Variants in PTCD3 observed in about 807,000 individuals in gnomAD.
PTCD3 encodes the protein pentatricopeptide repeat domain 3, also known as small ribosomal subunit protein mS39.
In PTCD3, 89 loss-of-function variants were observed where a neutral mutation model predicts 101.9. That is an observed-to-expected ratio of 0.87 (90% confidence interval 0.74 to 1.04). The LOEUF (loss-of-function observed/expected upper bound fraction) is 1.04, where lower values mean the gene tolerates loss of function less well. Ranked by LOEUF, PTCD3 falls within the 50% of genes least tolerant of loss-of-function variation. The pLI is 0.00. For synonymous variants in PTCD3, 296 were observed against 278.5 expected (o/e 1.06, Z -0.63); for missense variants, 870 against 828.2 (o/e 1.05, Z -0.62).
Position 86,127,156 on chromosome 2 carries a change from C to G in PTCD3, c.952-5C>G. On this transcript the variant is annotated splice_region_variant and splice_polypyrimidine_tract_variant and intron_variant, in intron 12 of 23. Coordinates refer to ENST00000254630, the MANE Select transcript of PTCD3 (RefSeq NM_017952.6). ...AAAGATACTTCTTGTTTTTTATTCACCTAGGAGCTGCTAAGACACATGGTT... is the reference window on the plus strand; with the variant it reads ...AAAGATACTTCTTGTTTTTTATTCAGCTAGGAGCTGCTAAGACACATGGTT... The G allele has an allele frequency of 1.2e-6, 2 of 1,607,790 alleles. No homozygotes were observed. The highest frequency in any genetic ancestry group is 1.7e-6 in the Non-Finnish European group (2 of 1,177,246).
At chr2:86,132,621 GGT>G in intron 17 of PTCD3, 197 bp downstream of exon 17, 6 of 356,796 alleles carry the variant, frequency 1.7e-5, no homozygotes, top group East Asian at 4.8e-5. Flanking sequence ...GTCCTTTAAG[GGT>G]TTTTTTTTTT....
intron 3 of PTCD3, 55 bp from the exon 4 acceptor site, chr2:86,111,058 G>C: frequency 6.7e-7 from 1 of 1,487,382 alleles, no homozygotes; most frequent in Non-Finnish European, 9.4e-7. Flanking sequence ...TCACTTGTTC[G>C]GTTTGTGGCT....
At chr2:86,118,894 G>C (rs779386145) in intron 6 of PTCD3, 27 bp from the exon 7 acceptor site, 1 of 1,603,734 alleles carries the variant, frequency 6.2e-7, no homozygotes, top group East Asian at 2.2e-5. Flanking sequence ...CCTGTTTGTA[G>C]TAACTTTAGT....
chr2:86,111,285 A>G (rs1674079871), intron 4 of PTCD3, 127 bp downstream of exon 4: 2 of 961,132 alleles, frequency 2.1e-6, no homozygotes, highest in East Asian at 5.2e-5. Flanking sequence ...GTGCGTCTAG[A>G]AAGTTTCTTT....
chr2:86,137,601 C>A lies in PTCD3; in HGVS notation c.*42C>A, dbSNP rs772518523. 1.2e-6 allele frequency: 2 copies of A among 1,611,846 alleles called. No homozygotes were observed. The highest frequency in any genetic ancestry group is 4.5e-5 in the East Asian group (2 of 44,800). On this transcript the variant is annotated 3_prime_UTR_variant, in exon 24 of 24. Coordinates refer to ENST00000254630, the MANE Select transcript of PTCD3 (RefSeq NM_017952.6). The stretch of plus-strand genomic sequence containing the variant: ...GCAGCAATGGGTCTCACCATAGCTG[C>A]TGGAATCACACCTGAGAACTGAGAT...
At chr2:86,112,182 G>C (rs1046798022) in intron 4 of PTCD3, 4 of 150,842 alleles carry the variant, frequency 2.7e-5, no homozygotes, top group African/African-American at 9.8e-5. Flanking sequence ...TCAGCCTCCC[G>C]AGTAGCTGGG....
chr2:86,119,337 C>T (rs1440405151), intron 7 of PTCD3, among the ~76,000 whole-genome samples: 1 of 148,490 alleles, frequency 6.7e-6, no homozygotes, highest in East Asian at 2.0e-4. Context: ...ATGCAGTGCT[C>T]CCAGATTTCC....
intron 13 of PTCD3, chr2:86,127,615 G>A: frequency 6.5e-6 from 3 of 462,542 alleles, no homozygotes; most frequent in East Asian, 7.8e-5. Flanking sequence ...GAACCTAAGT[G>A]TGTGCTAGTG....
intron 13 of PTCD3, 77 bp downstream of exon 13, chr2:86,127,382 C>G (rs1031192949): frequency 6.9e-7 from 1 of 1,449,560 alleles, no homozygotes; most frequent in African/African-American, 1.4e-5. Context: ...AAGCAAAGAG[C>G]TTTAAATTAT....
rs764313009 is a variant in PTCD3 at position 86,121,494 on chromosome 2, T to C, written c.554T>C (p.Leu185Pro). 2 of 1,603,440 alleles carry C rather than the reference T, an allele frequency of 1.2e-6. No individual in the cohort carries two copies. The highest frequency in any genetic ancestry group is 1.3e-5 in the African/African-American group (1 of 74,438). The change falls in exon 8 of 24, where the codon CTT (leucine) becomes CCT (proline). Residue 185 changes from leucine to proline, a missense_variant. By Grantham distance (98) the Leu-to-Pro change is moderately conservative (BLOSUM62 -3). Coordinates refer to ENST00000254630, the MANE Select transcript of PTCD3 (RefSeq NM_017952.6). ...TTACCCACAGGAACCACTGTGTCTC[T>C]TGAAACAACAAATAGTCTCTTGGAT... Reference protein sequence around the residue: ...QLLQAGTTVSLETTNSLLDLL... With the variant: ...QLLQAGTTVSPETTNSLLDLL...
intron 8 of PTCD3, among the ~76,000 whole-genome samples, chr2:86,122,652 G>A (rs554963180): frequency 8.5e-5 from 13 of 152,220 alleles, no homozygotes; most frequent in African/African-American, 3.1e-4. Flanking sequence ...TTCAACTCTG[G>A]GGCTCAGGTG....
intron 12 of PTCD3, among the ~76,000 whole-genome samples, chr2:86,126,854 C>G (rs1339419760): frequency 2.0e-5 from 3 of 150,802 alleles, no homozygotes; most frequent in Non-Finnish European, 3.0e-5. Flanking sequence ...AAAAAAAAAC[C>G]AACCACTTTT....
chr2:86,133,403 A>C lies in PTCD3; in HGVS notation c.1510A>C (p.Asn504His). The C allele has an allele frequency of 1.2e-6, 2 of 1,614,162 alleles. No homozygotes were observed. Among genetic ancestry groups the C allele is most frequent in the Non-Finnish European group, 1.7e-6 (2 of 1,179,972 alleles). ...IHLLQALDVA[N>H]RLEVIPKIWK... ...TCTTCTCCAAGCATTGGATGTGGCC[A>C]ATCGGCTAGAAGTGATTCCTAAAAT... Residue 504 changes from asparagine (N) to histidine (H), a missense_variant, in exon 19 of 24, where the codon AAT becomes CAT. By Grantham distance (68) the Asn-to-His change is moderately conservative. Transcript: ENST00000254630.
At chr2:86,116,455 T>G in intron 4 of PTCD3, 75 bp from the exon 5 acceptor site, 1 of 1,204,368 alleles carries the variant, frequency 8.3e-7, no homozygotes, top group Non-Finnish European at 1.2e-6. Context: ...GAGAATCCCT[T>G]GAGTCCAGGA....
intron 14 of PTCD3, among the ~76,000 whole-genome samples, chr2:86,129,122 T>A (rs1573856551): frequency 1.3e-5 from 2 of 152,358 alleles, no homozygotes; most frequent in Middle Eastern, 6.8e-3. Context: ...GACTATACCT[T>A]GGAAACAGGT....
chr2:86,114,124 CCATT>C (rs1257081422), intron 4 of PTCD3, among the ~76,000 whole-genome samples: 8 of 152,100 alleles, frequency 5.3e-5, no homozygotes, highest in African/African-American at 1.9e-4. Flanking sequence ...ATTCGTTTAT[CCATT>C]CATTCAGCAA....
rs777675995 is a variant in PTCD3, at chr2:86,125,882, T to G, written c.951+2T>G. 6 of 1,575,428 alleles carry G rather than the reference T, an allele frequency of 3.8e-6. No homozygotes were observed. Among genetic ancestry groups the G allele is most frequent in the Non-Finnish European group, 5.2e-6 (6 of 1,145,700 alleles). On this transcript the variant is annotated splice_donor_variant, in intron 12 of 23. Coordinates refer to ENST00000254630, the MANE Select transcript of PTCD3 (RefSeq NM_017952.6). LOFTEE classifies it high-confidence loss of function. ...GAGGAAAAATGGAGTAAAATACTGG[T>G]AAGGAGGAATCCTCAGTTTATTTTT...
chr2:86,131,835 G>A (rs1244166803), intron 16 of PTCD3, among the ~76,000 whole-genome samples: 1 of 152,136 alleles, frequency 6.6e-6, no homozygotes. Flanking sequence ...ACTTTCAATA[G>A]CAAAAACCAC....
At chr2:86,124,117 T>C (rs6750581) in intron 9 of PTCD3, among the ~76,000 whole-genome samples, 109,802 of 151,992 alleles carry the variant, frequency 0.72, 42,058 homozygotes, top group Non-Finnish European at 0.84. Flanking sequence ...ACTAAAAATA[T>C]CATGGACACT....
Sources: gnomAD v4.1 joint callset for allele counts (sites outside exome capture counted in the v4.1 genomes callset) on GRCh38, gnomAD v4.1.1 for gene constraint, MANE v1.5 for transcripts, NCBI Gene and HGNC (gene_info 2026-07-23, HGNC 2026-07-21) for gene names.